GPR141: variants seen among roughly 807,000 people sequenced by gnomAD.
GPR141 encodes the protein probable G protein-coupled receptor 141.
A neutral mutation model predicts 6.8 loss-of-function variants in GPR141; 6 were observed. The ratio of observed to expected loss-of-function variants is 0.88; its 90% confidence interval spans 0.48 to 1.74. The LOEUF (loss-of-function observed/expected upper bound fraction) is 1.74. Among genes scored for constraint, GPR141 ranks in the 40% most tolerant of loss-of-function variants. The pLI, the probability that GPR141 is intolerant of heterozygous loss-of-function variation, is 0.01. For missense variants in GPR141, 372 were observed against 372.9 expected (o/e 1.00, Z 0.02); for synonymous variants, 140 against 142.3 (o/e 0.98, Z 0.11).
chr7:37,704,388 A>G (rs1810428864), intron 2 of GPR141, among the ~76,000 whole-genome samples: 1 of 152,300 alleles, frequency 6.6e-6, no homozygotes, highest in Admixed American at 6.5e-5. Context: ...GGGAGGCCTC[A>G]GGAGACTTAC....
intron 2 of GPR141, among the ~76,000 whole-genome samples, chr7:37,700,682 C>A (rs1003860286): frequency 1.3e-5 from 2 of 152,124 alleles, no homozygotes; most frequent in African/African-American, 2.4e-5. Flanking sequence ...TGATATTTTT[C>A]ATGCAAATTA....
chr7:37,721,207 G>A (rs913694164), intron 2 of GPR141, among the ~76,000 whole-genome samples: 1 of 149,680 alleles, frequency 6.7e-6, no homozygotes, highest in African/African-American at 2.4e-5. Context: ...TTAGTTGAGT[G>A]AACCCAGAAA....
chr7:37,724,256 A>G (rs1458355691), intron 2 of GPR141, among the ~76,000 whole-genome samples: 1 of 152,114 alleles, frequency 6.6e-6, no homozygotes, highest in Non-Finnish European at 1.5e-5. Flanking sequence ...GAGGCTGCAG[A>G]TCTAACTTTA....
chr7:37,740,897 A>G lies in GPR141; in HGVS notation c.504A>G (p.Lys168=), dbSNP rs1394264311. Residue 168 remains lysine (K), a synonymous_variant, in exon 3 of 3, where the codon AAA becomes AAG. Coordinates refer to ENST00000334425, the MANE Select transcript of GPR141 (RefSeq NM_001381946.1). The part of the protein sequence containing the change: ...HEEYNEEHCF[K]FHKELAYTYV... ...AATACAATGAGGAGCACTGTTTTAA[A>G]TTTCACAAAGAGCTTGCTTACACAT... The G allele has an allele frequency of 6.2e-7, 1 of 1,614,124 alleles. No homozygotes were observed. Among genetic ancestry groups the G allele is most frequent in the African/African-American group, 1.3e-5 (1 of 75,034 alleles).
intron 2 of GPR141, among the ~76,000 whole-genome samples, chr7:37,704,577 A>G (rs1010333759): frequency 6.6e-6 from 1 of 152,156 alleles, no homozygotes; most frequent in Non-Finnish European, 1.5e-5. Flanking sequence ...CCCTCCCATG[A>G]CACATGGGGA....
intron 2 of GPR141, among the ~76,000 whole-genome samples, chr7:37,717,801 T>C (rs373154555): frequency 1.3e-5 from 2 of 152,370 alleles, no homozygotes; most frequent in African/African-American, 4.8e-5. Flanking sequence ...GCTCTTCTTT[T>C]ACTGTGTGTC....
At chr7:37,711,123 A>G (rs752370352) in intron 2 of GPR141, among the ~76,000 whole-genome samples, 1 of 152,222 alleles carries the variant, frequency 6.6e-6, no homozygotes, top group Non-Finnish European at 1.5e-5. Flanking sequence ...GTAGAGAGAT[A>G]CACTAAGGCT....
chr7:37,731,482 C>T (rs1443304793), intron 2 of GPR141, among the ~76,000 whole-genome samples: 2 of 152,240 alleles, frequency 1.3e-5, no homozygotes, highest in Admixed American at 6.5e-5. Flanking sequence ...AATACTCTGT[C>T]GCCCAGGCTG....
At position 37,708,019 on chromosome 7, in the gene GPR141, A is replaced by G. The variant is rs1301759452; in HGVS notation, c.-15+22436A>G. On this transcript the variant is annotated intron_variant, in intron 2 of 2. Coordinates refer to ENST00000334425, the MANE Select transcript of GPR141 (RefSeq NM_001381946.1). ...TTGACCTTGGAAATTTTCAGATGCT[A>G]AAGAAATTTCCTAAATTGAAGAGAA... 2.0e-5 allele frequency among the ~76,000 whole-genome samples: 3 copies of G among 152,172 alleles called. No individual in the cohort carries two copies. The South Asian group carries it at 6.2e-4, about 32-fold the overall frequency.
intron 2 of GPR141, among the ~76,000 whole-genome samples, chr7:37,707,442 T>A (rs1211594738): frequency 6.6e-6 from 1 of 152,138 alleles, no homozygotes; most frequent in Non-Finnish European, 1.5e-5. Flanking sequence ...TTTATGAAGG[T>A]CATTGATGAA....
chr7:37,688,492 C>T (rs1809613527), intron 2 of GPR141, among the ~76,000 whole-genome samples: 1 of 152,000 alleles, frequency 6.6e-6, no homozygotes, highest in African/African-American at 2.4e-5. Flanking sequence ...AGATATAAAA[C>T]TGACAGTTAG....
At chr7:37,686,304 GCTGT>G (rs1809511327) in intron 2 of GPR141, among the ~76,000 whole-genome samples, 1 of 151,980 alleles carries the variant, frequency 6.6e-6, no homozygotes, top group Admixed American at 6.6e-5. Context: ...GCAAGTCTGT[GCTGT>G]CTTTCAAAGT....
At chr7:37,717,498 A>C (rs1811103170) in intron 2 of GPR141, among the ~76,000 whole-genome samples, 1 of 152,218 alleles carries the variant, frequency 6.6e-6, no homozygotes, top group African/African-American at 2.4e-5. Context: ...GTTCATTAAC[A>C]AACGTTTCCA....
intron 1 of GPR141, among the ~76,000 whole-genome samples, chr7:37,685,014 A>G (rs1381437315): frequency 1.3e-5 from 2 of 152,168 alleles, no homozygotes; most frequent in African/African-American, 4.8e-5. Flanking sequence ...CTTGATAGTA[A>G]ATATTTTAGG....
intron 2 of GPR141, among the ~76,000 whole-genome samples, chr7:37,692,906 A>G (rs1417057524): frequency 6.6e-6 from 1 of 152,190 alleles, no homozygotes; most frequent in Admixed American, 6.5e-5. Context: ...GCCCTTTGTC[A>G]GATGGATAGA....
At chr7:37,738,082 G>A (rs764761009) in intron 2 of GPR141, among the ~76,000 whole-genome samples, 7 of 152,170 alleles carry the variant, frequency 4.6e-5, no homozygotes, top group Non-Finnish European at 1.0e-4. Context: ...TTTCGGGAGT[G>A]TATGTGTGCT....
intron 2 of GPR141, among the ~76,000 whole-genome samples, chr7:37,706,306 G>A (rs1293694362): frequency 6.6e-6 from 1 of 152,210 alleles, no homozygotes; most frequent in Non-Finnish European, 1.5e-5. Context: ...TACTTGGAGA[G>A]CATTTAAAAA....
chr7:37,693,289 G>C (rs915509892), intron 2 of GPR141, among the ~76,000 whole-genome samples: 1 of 152,074 alleles, frequency 6.6e-6, no homozygotes, highest in Non-Finnish European at 1.5e-5. Flanking sequence ...TTTTTGTTAG[G>C]TTTGTCAAAG....
intron 2 of GPR141, among the ~76,000 whole-genome samples, chr7:37,727,751 A>G (rs150293120): frequency 6.6e-6 from 1 of 152,192 alleles, no homozygotes; most frequent in Admixed American, 6.5e-5. Context: ...TCCAATCCTT[A>G]TAATATTTAA....
Sources: gnomAD v4.1 joint callset for allele counts (sites outside exome capture counted in the v4.1 genomes callset) on GRCh38, gnomAD v4.1.1 for gene constraint, MANE v1.5 for transcripts, NCBI Gene and HGNC (gene_info 2026-07-23, HGNC 2026-07-21) for gene names.